TMEM45B: variants seen among roughly 807,000 people sequenced by gnomAD.
TMEM45B encodes transmembrane protein 45B.
In TMEM45B, 29 loss-of-function variants were observed where a neutral mutation model predicts 27.3. The ratio of observed to expected loss-of-function variants is 1.06; its 90% CI spans 0.79 to 1.45. TMEM45B has a LOEUF of 1.45. TMEM45B is among the 40% of genes most tolerant of loss of function. The pLI is 0.00. For missense variants in TMEM45B, 348 were observed against 343.9 expected (o/e 1.01, Z -0.09); for synonymous variants, 143 against 134.7 (o/e 1.06, Z -0.43).
chr11:129,841,882 G>A (rs1947700436), intron 1 of TMEM45B, among the ~76,000 whole-genome samples: 1 of 152,154 alleles, frequency 6.6e-6, no homozygotes, highest in African/African-American at 2.4e-5. Context: ...ACAGGCATGA[G>A]CCACTGCGCC....
In TMEM45B at chr11:129,857,297, C is replaced by T; in HGVS notation, c.571-16C>T. The stretch of plus-strand genomic sequence containing the variant: ...ACGACCAACCACAAGACCAACTTCT[C>T]TCTGTAATCCCCTAGATTGGGTTTG... On this transcript the variant is annotated splice_polypyrimidine_tract_variant and intron_variant, in intron 4 of 5. Coordinates refer to ENST00000281441, the MANE Select transcript of TMEM45B (RefSeq NM_138788.5). 6.2e-7 allele frequency: 1 copy of T among 1,612,024 alleles called. No individual in the cohort carries two copies. Among genetic ancestry groups the T allele is most frequent in the South Asian group, 1.1e-5 (1 of 90,926 alleles).
At chr11:129,855,970 C>T (rs1047626364) in intron 4 of TMEM45B, 78 bp downstream of exon 4, 45 of 1,530,196 alleles carry the variant, frequency 2.9e-5, no homozygotes, top group South Asian at 7.1e-5. Context: ...AAATCCCTGA[C>T]GAGAATATGG....
intron 1 of TMEM45B, among the ~76,000 whole-genome samples, chr11:129,833,517 G>A (rs1947579521): frequency 2.0e-5 from 3 of 152,084 alleles, no homozygotes; most frequent in Non-Finnish European, 4.4e-5. Context: ...ACTCACACCC[G>A]TAATCCCAGC....
intron 1 of TMEM45B, among the ~76,000 whole-genome samples, chr11:129,829,292 A>G (rs1057333272): frequency 3.3e-5 from 5 of 152,220 alleles, no homozygotes; most frequent in African/African-American, 1.2e-4. Flanking sequence ...TAAAACTAAG[A>G]TAACAGTTGA....
intron 1 of TMEM45B, among the ~76,000 whole-genome samples, chr11:129,822,309 T>C (rs1414591260): frequency 1.3e-5 from 2 of 152,190 alleles, no homozygotes; most frequent in Non-Finnish European, 2.9e-5. Context: ...CTACCTACAA[T>C]GTCTGTGTCT....
intron 1 of TMEM45B, among the ~76,000 whole-genome samples, chr11:129,826,272 G>A (rs1196773939): frequency 7.9e-5 from 12 of 152,016 alleles, no homozygotes; most frequent in Non-Finnish European, 1.0e-4. Context: ...TAAAGAGGCC[G>A]GGCGCGGTGG....
At chr11:129,841,842 C>T (rs1480497979) in intron 1 of TMEM45B, among the ~76,000 whole-genome samples, 1 of 152,120 alleles carries the variant, frequency 6.6e-6, no homozygotes, top group Admixed American at 6.5e-5. Flanking sequence ...AAGTGATCCA[C>T]CCGCCTCGGC....
chr11:129,828,418 C>G (rs1050751900), intron 1 of TMEM45B, among the ~76,000 whole-genome samples: 4 of 152,126 alleles, frequency 2.6e-5, no homozygotes, highest in Non-Finnish European at 5.9e-5. Context: ...ATTCTAAAGA[C>G]GGGGATAGAC....
chr11:129,849,737 C>T (rs2135594970), intron 1 of TMEM45B, among the ~76,000 whole-genome samples: 1 of 152,268 alleles, frequency 6.6e-6, no homozygotes, highest in Middle Eastern at 3.4e-3. Context: ...GAGGAATGCT[C>T]TGCTGGAAAT....
At chr11:129,830,708 G>T (rs1250901928) in intron 1 of TMEM45B, among the ~76,000 whole-genome samples, 1 of 152,170 alleles carries the variant, frequency 6.6e-6, no homozygotes, top group East Asian at 1.9e-4. Flanking sequence ...CACATGAAAA[G>T]ATGCTCAACA....
At chr11:129,847,966 G>A (rs556873940) in intron 1 of TMEM45B, among the ~76,000 whole-genome samples, 76 of 152,120 alleles carry the variant, frequency 5.0e-4, no homozygotes, top group African/African-American at 1.0e-3. Context: ...AGGGGCGGCC[G>A]GGCAGAGACG....
rs367797529 is a variant in TMEM45B at position 129,857,309 on chromosome 11, C to T, written c.571-4C>T. The T allele has an allele frequency of 5.0e-5, 81 of 1,613,930 alleles. No homozygotes were observed. The African/African-American group carries it at 8.8e-4, about 18-fold the overall frequency. ...AAGACCAACTTCTCTCTGTAATCCCCTAGATTGGGTTTGTGCTGTTCCCAC... is the reference window on the plus strand; with the variant it reads ...AAGACCAACTTCTCTCTGTAATCCCTTAGATTGGGTTTGTGCTGTTCCCAC... On this transcript the variant is annotated splice_polypyrimidine_tract_variant and splice_region_variant and intron_variant, in intron 4 of 5. Coordinates refer to ENST00000281441, the MANE Select transcript of TMEM45B (RefSeq NM_138788.5).
chr11:129,841,397 A>G (rs1947690656), intron 1 of TMEM45B, among the ~76,000 whole-genome samples: 1 of 152,140 alleles, frequency 6.6e-6, no homozygotes, highest in African/African-American at 2.4e-5. Context: ...TCTGGAAATG[A>G]GAATCAGAGA....
chr11:129,858,740 C>T lies in TMEM45B; in HGVS notation c.*55C>T, dbSNP rs757319983. Reference sequence around the variant, plus strand: ...CTGCACAGCTGGAATGAATGGAGTTCATCCCCTCCACCTGAATGCCTGCTG... The same window carrying T: ...CTGCACAGCTGGAATGAATGGAGTTTATCCCCTCCACCTGAATGCCTGCTG... On this transcript the variant is annotated 3_prime_UTR_variant, in exon 6 of 6. Coordinates refer to ENST00000281441, the MANE Select transcript of TMEM45B (RefSeq NM_138788.5). The T allele has an allele frequency of 1.2e-4, 160 of 1,324,638 alleles. No homozygotes were observed. Among genetic ancestry groups the T allele is most frequent in the Middle Eastern group, 3.7e-4 (2 of 5,428 alleles). The allele number at this position is 1,324,638 out of a possible 1,614,324, so 82.1% of individuals were successfully genotyped here.
At chr11:129,838,499 T>C (rs1034074387) in intron 1 of TMEM45B, among the ~76,000 whole-genome samples, 39 of 152,228 alleles carry the variant, frequency 2.6e-4, no homozygotes, top group African/African-American at 8.7e-4. Flanking sequence ...GTTTCGCTCT[T>C]GTCGCTCTTC....
chr11:129,822,981 C>T (rs139882923), intron 1 of TMEM45B, among the ~76,000 whole-genome samples: 2,816 of 151,818 alleles, frequency 0.019, 46 homozygotes, highest in Non-Finnish European at 0.028. Context: ...GCTGGGATTA[C>T]AGGCGCCCAC....
At chr11:129,854,512 C>T (rs184246179) in intron 2 of TMEM45B, 98 bp from the exon 3 acceptor site, 2 of 1,263,456 alleles carry the variant, frequency 1.6e-6, no homozygotes, top group East Asian at 5.0e-5. Flanking sequence ...CTCACCTCAC[C>T]CCATCTCCGC....
intron 1 of TMEM45B, among the ~76,000 whole-genome samples, chr11:129,851,543 C>CAAAAAAAAAAAAAAAAAA (rs71057982): frequency 1.5e-4 from 8 of 54,950 alleles, no homozygotes; most frequent in East Asian, 7.5e-4. Context: ...AACTCTGCCT[C>CAAAAAAAAAAAAAAAAAA]AAAAAAAAAA....
intron 1 of TMEM45B, among the ~76,000 whole-genome samples, chr11:129,823,196 G>A (rs1947441338): frequency 6.6e-6 from 1 of 152,078 alleles, no homozygotes; most frequent in Non-Finnish European, 1.5e-5. Flanking sequence ...GTCCTTGAAG[G>A]TCACCCTCCA....
Sources: allele counts gnomAD v4.1 joint callset (sites outside exome capture counted in the v4.1 genomes callset), GRCh38; gene constraint gnomAD v4.1.1; transcripts MANE v1.5; gene names NCBI Gene and HGNC (gene_info 2026-07-23, HGNC 2026-07-21).